Variants in CDIN1 observed in about 807,000 individuals in gnomAD.
The protein encoded by CDIN1 is CDAN1-interacting nuclease 1.
In CDIN1, 33 loss-of-function variants were observed where a neutral mutation model predicts 45.3. The observed-to-expected ratio is 0.73, with a 90% CI of 0.55 to 0.97. The LOEUF (loss-of-function observed/expected upper bound fraction) is 0.97, where lower values mean the gene tolerates loss of function less well. CDIN1 is among the 50% of genes least tolerant of loss of function. The pLI is 0.00. For synonymous variants in CDIN1, 118 were observed against 124.4 expected (o/e 0.95, Z 0.34); for missense variants, 303 against 339.4 (o/e 0.89, Z 0.84).
chr15:36,762,696 A>G (rs1595568163), intron 10 of CDIN1, among the ~76,000 whole-genome samples: 1 of 150,966 alleles, frequency 6.6e-6, no homozygotes, highest in Non-Finnish European at 1.5e-5. Flanking sequence ...TTCTGGTCCA[A>G]GTGTTTTCAT....
intron 1 of CDIN1, among the ~76,000 whole-genome samples, chr15:36,629,873 T>C (rs2039609191): frequency 1.3e-5 from 2 of 152,170 alleles, no homozygotes; most frequent in Non-Finnish European, 2.9e-5. Context: ...ATGTGAAGAA[T>C]TGAAATTGTG....
intron 10 of CDIN1, among the ~76,000 whole-genome samples, chr15:36,720,847 C>T (rs959839502): frequency 3.3e-5 from 5 of 152,134 alleles, no homozygotes; most frequent in South Asian, 2.1e-4. Context: ...CTTGAGGGAT[C>T]GCCATACTGT....
intron 10 of CDIN1, among the ~76,000 whole-genome samples, chr15:36,804,388 C>T (rs1215305596): frequency 6.6e-6 from 1 of 152,124 alleles, no homozygotes; most frequent in African/African-American, 2.4e-5. Flanking sequence ...CGCACTGATT[C>T]AATAACCAAT....
intron 1 of CDIN1, among the ~76,000 whole-genome samples, chr15:36,604,598 A>C (rs1203727926): frequency 6.6e-6 from 1 of 152,170 alleles, no homozygotes; most frequent in South Asian, 2.1e-4. Context: ...TGACCTTTTA[A>C]AAGTATTTAC....
rs114566020 is a variant in CDIN1 at position 36,763,875 on chromosome 15, G to A, written c.717-44449G>A. Among the ~76,000 whole-genome samples, 1,395 of 152,338 alleles carry A rather than the reference G, an allele frequency of 9.2e-3. 15 individuals carry two copies. The highest frequency in any genetic ancestry group is 0.032 in the African/African-American group (1,340 of 41,574). The stretch of plus-strand genomic sequence containing the variant: ...TTCTAGGAGGCAAACACTAACTAGA[G>A]GGAGGTGGCAGCAAAGGCTATATAT... On this transcript the variant is annotated intron_variant, in intron 10 of 10. Coordinates refer to ENST00000566621, the MANE Select transcript of CDIN1 (RefSeq NM_001321759.2).
intron 10 of CDIN1, 95 bp from the exon 11 acceptor site, chr15:36,808,221 GTGCAGTCC>G: frequency 6.6e-7 from 1 of 1,507,278 alleles, no homozygotes; most frequent in Non-Finnish European, 8.9e-7. Flanking sequence ...CAAAAATTTT[GTGCAGTCC>G]TGTCATTTAA....
chr15:36,702,293 T>C (rs1013094931), intron 8 of CDIN1, among the ~76,000 whole-genome samples: 1 of 152,150 alleles, frequency 6.6e-6, no homozygotes, highest in African/African-American at 2.4e-5. Context: ...TCTGAAGAGA[T>C]TGTCATGGTG....
intron 10 of CDIN1, among the ~76,000 whole-genome samples, chr15:36,724,257 A>G (rs945131405): frequency 1.3e-5 from 2 of 152,182 alleles, no homozygotes; most frequent in Non-Finnish European, 2.9e-5. Flanking sequence ...TTAGTCATCC[A>G]TATTGAAATA....
intron 1 of CDIN1, among the ~76,000 whole-genome samples, chr15:36,582,386 A>T (rs2037088206): frequency 6.6e-6 from 1 of 152,198 alleles, no homozygotes; most frequent in African/African-American, 2.4e-5. Flanking sequence ...AAGGGTTGAG[A>T]TTTAATGCAA....
At chr15:36,728,043 G>A (rs775816459) in intron 10 of CDIN1, among the ~76,000 whole-genome samples, 6 of 152,178 alleles carry the variant, frequency 3.9e-5, no homozygotes, top group Non-Finnish European at 7.3e-5. Flanking sequence ...CCATGATTTT[G>A]AGAGGAAGAT....
intron 10 of CDIN1, among the ~76,000 whole-genome samples, chr15:36,762,892 T>C (rs2053809848): frequency 6.6e-6 from 1 of 152,138 alleles, no homozygotes; most frequent in Non-Finnish European, 1.5e-5. Context: ...CAGTCTATCA[T>C]TGATGGACAT....
chr15:36,791,255 C>T (rs2054638484), intron 10 of CDIN1, among the ~76,000 whole-genome samples: 1 of 152,200 alleles, frequency 6.6e-6, no homozygotes, highest in Admixed American at 6.5e-5. Flanking sequence ...TGACTTTTCT[C>T]TGTATTATTT....
chr15:36,631,239 A>G (rs979155763), intron 1 of CDIN1, among the ~76,000 whole-genome samples: 1 of 151,938 alleles, frequency 6.6e-6, no homozygotes, highest in Non-Finnish European at 1.5e-5. Context: ...TTGATCTTCT[A>G]TTTTTTTAAG....
At chr15:36,794,501 G>A (rs1201275104) in intron 10 of CDIN1, among the ~76,000 whole-genome samples, 1 of 151,866 alleles carries the variant, frequency 6.6e-6, no homozygotes, top group Non-Finnish European at 1.5e-5. Flanking sequence ...CTCTTTTTAT[G>A]ATTTTGACCC....
Position 36,709,293 on chromosome 15 carries a change from G to A in CDIN1, c.610+5G>A, listed in dbSNP as rs754405561. 2 of 1,599,384 alleles carry A rather than the reference G, an allele frequency of 1.3e-6. No individual in the cohort carries two copies. Among genetic ancestry groups the A allele is most frequent in the Non-Finnish European group, 1.7e-6 (2 of 1,172,334 alleles). ...TCATTTTACAAGTACCAGTTGGTAAGTTCTTTAACTCTGTTATGCATTTGT... is the reference window on the plus strand; with the variant it reads ...TCATTTTACAAGTACCAGTTGGTAAATTCTTTAACTCTGTTATGCATTTGT... On this transcript the variant is annotated splice_donor_5th_base_variant and intron_variant, in intron 9 of 10. Transcript: ENST00000566621.
intron 1 of CDIN1, among the ~76,000 whole-genome samples, chr15:36,631,760 G>A (rs1040203234): frequency 6.6e-6 from 1 of 151,984 alleles, no homozygotes; most frequent in African/African-American, 2.4e-5. Flanking sequence ...AGTTCTCTTG[G>A]GTATAAACCT....
chr15:36,681,477 G>T (rs1416281315), intron 5 of CDIN1, among the ~76,000 whole-genome samples: 1 of 152,112 alleles, frequency 6.6e-6, no homozygotes, highest in Non-Finnish European at 1.5e-5. Flanking sequence ...ACCAGTTTCA[G>T]AGGAGAGAAT....
chr15:36,799,070 T>C (rs1047469834), intron 10 of CDIN1: 1 of 152,204 alleles, frequency 6.6e-6, no homozygotes, highest in African/African-American at 2.4e-5. Flanking sequence ...CTTTGGCGTG[T>C]TTCCCTGGGG....
At chr15:36,729,288 T>C (rs769928953) in intron 10 of CDIN1, among the ~76,000 whole-genome samples, 6 of 152,146 alleles carry the variant, frequency 3.9e-5, no homozygotes, top group African/African-American at 7.2e-5. Flanking sequence ...CATAATTTGG[T>C]TGGAAAAAAA....
Sources: allele counts gnomAD v4.1 joint callset (sites outside exome capture counted in the v4.1 genomes callset), GRCh38; gene constraint gnomAD v4.1.1; transcripts MANE v1.5; gene names NCBI Gene and HGNC (gene_info 2026-07-23, HGNC 2026-07-21).